Variants in TLL2 observed in about 807,000 individuals in gnomAD.
TLL2 encodes tolloid-like protein 2.
A neutral mutation model predicts 123.0 loss-of-function variants in TLL2; 106 were observed. That is an observed-to-expected ratio of 0.86 (90% CI 0.74 to 1.01). The LOEUF is 1.01. Among genes scored for constraint, TLL2 ranks in the 50% least tolerant of loss-of-function variants. The pLI, the probability that TLL2 is intolerant of heterozygous loss-of-function variation, is 0.00. For missense variants in TLL2, 1,332 were observed against 1,336.7 expected (o/e 1.00, Z 0.06); for synonymous variants, 494 against 516.8 (o/e 0.96, Z 0.60).
At chr10:96,408,397 T>C (rs4917737) in intron 9 of TLL2, among the ~76,000 whole-genome samples, 46,087 of 152,140 alleles carry the variant, frequency 0.3, 7,951 homozygotes, top group East Asian at 0.67. Flanking sequence ...GAAGCAGAAA[T>C]GGAAATAATT....
chr10:96,447,668 C>T (rs1846911799), intron 2 of TLL2, among the ~76,000 whole-genome samples: 1 of 152,190 alleles, frequency 6.6e-6, no homozygotes, highest in Non-Finnish European at 1.5e-5. Context: ...CTATTACACA[C>T]ACGAAACCAC....
At chr10:96,504,782 A>C (rs1292818792) in intron 1 of TLL2, among the ~76,000 whole-genome samples, 1 of 152,220 alleles carries the variant, frequency 6.6e-6, no homozygotes, top group Non-Finnish European at 1.5e-5. Context: ...CGAAGTGAGC[A>C]GATCACGAGG....
chr10:96,488,275 T>G (rs1386886815), intron 1 of TLL2, among the ~76,000 whole-genome samples: 4 of 152,194 alleles, frequency 2.6e-5, no homozygotes, highest in African/African-American at 4.8e-5. Context: ...TTTGATCCCT[T>G]TGGGAGGCAC....
intron 2 of TLL2, among the ~76,000 whole-genome samples, chr10:96,457,436 G>T (rs997818618): frequency 6.6e-6 from 1 of 152,210 alleles, no homozygotes; most frequent in Non-Finnish European, 1.5e-5. Context: ...GGAGGAAAGG[G>T]AGAGAGGGAA....
At chr10:96,392,685 A>C (rs1846300330) in intron 13 of TLL2, among the ~76,000 whole-genome samples, 1 of 152,216 alleles carries the variant, frequency 6.6e-6, no homozygotes, top group Non-Finnish European at 1.5e-5. Context: ...TGACAACCTC[A>C]TAATCATTCA....
chr10:96,419,961 C>G (rs1365509781), intron 7 of TLL2, among the ~76,000 whole-genome samples: 2 of 152,208 alleles, frequency 1.3e-5, no homozygotes, highest in African/African-American at 4.8e-5. Context: ...TGTACATGAC[C>G]TCACAGCATA....
chr10:96,365,030 T>C lies in TLL2; in HGVS notation c.*3058A>G, dbSNP rs1846010103. The C allele has an allele frequency of 6.6e-6, 1 of 152,290 alleles. No individual in the cohort carries two copies. The highest frequency in any genetic ancestry group is 2.0e-4 in the South Asian group (1 of 4,896). 9.4% of individuals were successfully genotyped at this position (152,290 alleles called of 1,614,324 possible). A position where few individuals can be genotyped will look rare whatever the true frequency, so the allele number is the denominator to read the frequency against. ...AACTTTACAGCAGGGGTGTCCCATC[T>C]TTTGGCTTCCCTGGGCCACATTGGA... is the stretch of plus-strand genomic sequence containing the variant. On this transcript the variant is annotated 3_prime_UTR_variant, in exon 21 of 21. Coordinates refer to ENST00000357947, the MANE Select transcript of TLL2 (RefSeq NM_012465.4).
chr10:96,501,744 G>T (rs1467666639), intron 1 of TLL2, among the ~76,000 whole-genome samples: 3 of 152,094 alleles, frequency 2.0e-5, no homozygotes, highest in Non-Finnish European at 2.9e-5. Flanking sequence ...TTCCAGACCC[G>T]CCTCAGAGCT....
At chr10:96,495,126 G>C (rs1847457926) in intron 1 of TLL2, among the ~76,000 whole-genome samples, 1 of 152,168 alleles carries the variant, frequency 6.6e-6, no homozygotes, top group Non-Finnish European at 1.5e-5. Context: ...AAGTGAGGAA[G>C]ACTTCATAGA....
intron 16 of TLL2, 102 bp from the exon 17 acceptor site, chr10:96,379,194 C>G: frequency 7.1e-7 from 1 of 1,416,232 alleles, no homozygotes; most frequent in Non-Finnish European, 9.7e-7. Context: ...GGAAGCCTCT[C>G]TGATTGCTCC....
In TLL2 at chr10:96,474,668, G is replaced by A. The variant is rs528737499; in HGVS notation, c.286+5681C>T. Among the ~76,000 whole-genome samples, 15 of 152,326 alleles carry A rather than the reference G, an allele frequency of 9.8e-5. No individual in the cohort carries two copies. The South Asian group carries it at 3.1e-3, about 32-fold the overall frequency. ...TCCGACCAAGGAATGTTTCTAATAA[G>A]CAAGGGGGAGCTATTGAAGGCTCTA... On this transcript the variant is annotated intron_variant, in intron 2 of 20. Coordinates refer to ENST00000357947, the MANE Select transcript of TLL2 (RefSeq NM_012465.4).
chr10:96,494,580 C>G (rs2134111112), intron 1 of TLL2, among the ~76,000 whole-genome samples: 1 of 152,380 alleles, frequency 6.6e-6, no homozygotes, highest in African/African-American at 2.4e-5. Context: ...CAGGGCTACA[C>G]TAAGGCATGG....
intron 1 of TLL2, among the ~76,000 whole-genome samples, chr10:96,497,589 C>A (rs1847489708): frequency 6.6e-6 from 1 of 152,148 alleles, no homozygotes. Flanking sequence ...CAGGTCTAGC[C>A]ATAGACACAT....
intron 16 of TLL2, among the ~76,000 whole-genome samples, chr10:96,379,491 A>C (rs536428546): frequency 3.3e-5 from 5 of 152,212 alleles, no homozygotes; most frequent in Non-Finnish European, 7.4e-5. Flanking sequence ...TTCTCATCCA[A>C]CCTTAGCAGG....
intron 3 of TLL2, among the ~76,000 whole-genome samples, chr10:96,445,213 T>A (rs933938906): frequency 3.3e-5 from 5 of 152,202 alleles, no homozygotes; most frequent in African/African-American, 1.2e-4. Context: ...TTCTTTTGCT[T>A]TGCTGTGAAG....
chr10:96,422,610 A>G lies in TLL2; in HGVS notation c.756T>C (p.His252=), dbSNP rs1273922720. The G allele has an allele frequency of 4.3e-6, 7 of 1,614,024 alleles. No homozygotes were observed. Among genetic ancestry groups the G allele is most frequent in the Admixed American group, 3.3e-5 (2 of 59,992 alleles). The change falls in exon 6 of 21, where the codon CAT becomes CAC. Residue 252 remains histidine (H), a synonymous_variant. Transcript: ENST00000357947. The part of the protein sequence containing the change: ...HELGHVVGFW[H]EHTRPDRDQH... Reference sequence around the variant, plus strand: ...GGTCTCTGTCTGGCCGGGTGTGTTCATGCCAAAACCCAACCACATGGCCCA... The same window carrying G: ...GGTCTCTGTCTGGCCGGGTGTGTTCGTGCCAAAACCCAACCACATGGCCCA...
chr10:96,447,392 C>G (rs1474374946), intron 2 of TLL2, among the ~76,000 whole-genome samples: 4 of 152,206 alleles, frequency 2.6e-5, no homozygotes, highest in African/African-American at 9.6e-5. Flanking sequence ...CACAGGCAGA[C>G]AAAAGCAGAA....
chr10:96,436,183 T>A (rs926515675), intron 3 of TLL2, among the ~76,000 whole-genome samples: 2 of 152,242 alleles, frequency 1.3e-5, no homozygotes, highest in African/African-American at 2.4e-5. Context: ...CAGCCACAGA[T>A]AATATGTCAA....
At chr10:96,464,332 C>T (rs942354794) in intron 2 of TLL2, among the ~76,000 whole-genome samples, 5 of 151,832 alleles carry the variant, frequency 3.3e-5, no homozygotes, top group Non-Finnish European at 7.4e-5. Flanking sequence ...TGCAGTGAGC[C>T]GAGATTGTGC....
Sources: gnomAD v4.1 joint callset for allele counts (sites outside exome capture counted in the v4.1 genomes callset) on GRCh38, gnomAD v4.1.1 for gene constraint, MANE v1.5 for transcripts, NCBI Gene and HGNC (gene_info 2026-07-23, HGNC 2026-07-21) for gene names.